Variants in RFX2 observed in about 807,000 individuals in gnomAD.
The protein encoded by RFX2 is regulatory factor X2, also known as DNA-binding protein RFX2.
RFX2 carries 20 observed loss-of-function variants against 87.8 expected under a neutral mutation model. The observed-to-expected ratio is 0.23, with a 90% CI of 0.16 to 0.33. The LOEUF (loss-of-function observed/expected upper bound fraction) is 0.33. Ranked by LOEUF, RFX2 falls within the 10% of genes least tolerant of loss-of-function variation. RFX2 has a pLI of 1.00. For synonymous variants in RFX2, 397 were observed against 431.3 expected (o/e 0.92, Z 0.98); for missense variants, 767 against 1,012.3 (o/e 0.76, Z 3.29).
chr19:6,052,790 C>A (rs181591895), intron 1 of RFX2, among the ~76,000 whole-genome samples: 53 of 152,122 alleles, frequency 3.5e-4, no homozygotes, highest in Admixed American at 1.6e-3. Flanking sequence ...TCAAAATAAT[C>A]CATGGGTCAA....
chr19:6,029,582 G>A (rs548234636), intron 5 of RFX2, among the ~76,000 whole-genome samples: 84 of 152,206 alleles, frequency 5.5e-4, no homozygotes, highest in African/African-American at 1.3e-3. Context: ...GGTGGTGGGC[G>A]TCTGTAATTC....
rs541904921 is a variant in RFX2, at chr19:6,024,882, G to A, written c.597+1281C>T. On this transcript the variant is annotated intron_variant, in intron 6 of 17. Coordinates refer to ENST00000303657, the MANE Select transcript of RFX2 (RefSeq NM_000635.4). This position sits in a 1 kb window ranked among gnomAD's most constrained non-coding sequence, Gnocchi z 5.0. ...TCACGGTGAGGACGGGAGTGAGGAC[G>A]GGATCACGGTGAGGACGGGAGTCAG... Among the ~76,000 whole-genome samples the A allele has an allele frequency of 8.4e-5, 12 of 142,944 alleles. No individual in the cohort carries two copies. Among genetic ancestry groups the A allele is most frequent in the East Asian group, 4.3e-4 (2 of 4,662 alleles). The allele number at this position is 142,944 out of a possible 152,430, so 93.8% of individuals were successfully genotyped here.
chr19:6,065,363 A>G (rs1312011834), intron 1 of RFX2, among the ~76,000 whole-genome samples: 1 of 152,156 alleles, frequency 6.6e-6, no homozygotes, highest in Non-Finnish European at 1.5e-5. Flanking sequence ...TTAAGAAAAA[A>G]AGGCCGGGCA....
At position 6,012,826 on chromosome 19, in the gene RFX2, C is replaced by T. The variant is rs1028139083; in HGVS notation, c.899+160G>A. ...GTTGCATCCCAGCCTCCTGTGTCTC[C>T]TGCTAGACTCACCTCAGTCTCAGCA... On this transcript the variant is annotated intron_variant, in intron 8 of 17. Coordinates refer to ENST00000303657, the MANE Select transcript of RFX2 (RefSeq NM_000635.4). This position sits in a 1 kb window ranked among gnomAD's most constrained non-coding sequence, Gnocchi z 4.6. Among the ~76,000 whole-genome samples the T allele has an allele frequency of 5.3e-5, 8 of 152,194 alleles. No individual in the cohort carries two copies. Among genetic ancestry groups the T allele is most frequent in the African/African-American group, 1.7e-4 (7 of 41,442 alleles).
At position 5,998,779 on chromosome 19, in the gene RFX2, A is replaced by G. The variant is rs1050071260; in HGVS notation, c.1860-1566T>C. On this transcript the variant is annotated intron_variant, in intron 15 of 17. Coordinates refer to ENST00000303657, the MANE Select transcript of RFX2 (RefSeq NM_000635.4). This position sits in a 1 kb window ranked among gnomAD's most constrained non-coding sequence, Gnocchi z 4.2. ...TCACCCCGGTATCTCTGGGTTCCCA[A>G]ATGGGCTCGCAGCTCCCAGAGAGTA... is the stretch of plus-strand genomic sequence containing the variant. Among the ~76,000 whole-genome samples the G allele has an allele frequency of 1.3e-5, 2 of 152,166 alleles. No homozygotes were observed. Among genetic ancestry groups the G allele is most frequent in the Non-Finnish European group, 2.9e-5 (2 of 68,012 alleles).
At position 6,097,758 on chromosome 19, in the gene RFX2, T is replaced by C. The variant is rs924124473; in HGVS notation, c.-9+12635A>G. ...CCACCAGGCCCAGCTAATTAATTTTTTGTGTGTGGAGACAGAGTCTTGTTA... is the reference window on the plus strand; with the variant it reads ...CCACCAGGCCCAGCTAATTAATTTTCTGTGTGTGGAGACAGAGTCTTGTTA... On this transcript the variant is annotated intron_variant, in intron 1 of 17. Transcript: ENST00000303657. 2.6e-5 allele frequency among the ~76,000 whole-genome samples: 4 copies of C among 152,174 alleles called. No individual in the cohort carries two copies. The East Asian group carries it at 5.8e-4, about 22-fold the overall frequency.
intron 1 of RFX2, among the ~76,000 whole-genome samples, chr19:6,093,845 G>A (rs953034061): frequency 1.3e-5 from 2 of 152,124 alleles, no homozygotes; most frequent in African/African-American, 4.8e-5. Context: ...GTCACAAAAG[G>A]CTACTTACTA....
chr19:6,089,959 ATTGT>A (rs1031350124), intron 1 of RFX2, among the ~76,000 whole-genome samples: 24 of 152,026 alleles, frequency 1.6e-4, no homozygotes, highest in East Asian at 3.9e-4. Flanking sequence ...ACATCTTTGG[ATTGT>A]TTGTTTGTTT....
intron 1 of RFX2, among the ~76,000 whole-genome samples, chr19:6,059,829 A>G (rs1110624): frequency 0.064 from 9,705 of 152,204 alleles, 780 homozygotes; most frequent in African/African-American, 0.19. Flanking sequence ...CACCTGACGC[A>G]GGATAATATG....
intron 1 of RFX2, among the ~76,000 whole-genome samples, chr19:6,097,404 A>G (rs1014415579): frequency 6.6e-6 from 1 of 152,160 alleles, no homozygotes; most frequent in African/African-American, 2.4e-5. Flanking sequence ...GTTTAGCGGC[A>G]GGAAAGATTC....
At chr19:6,054,998 CTATATA>C (rs1036790832) in intron 1 of RFX2, among the ~76,000 whole-genome samples, 2 of 152,066 alleles carry the variant, frequency 1.3e-5, no homozygotes, top group African/African-American at 4.8e-5. Flanking sequence ...ACATCTATAT[CTATATA>C]TATAAACTCC....
At chr19:6,043,587 G>T (rs1339760395) in intron 3 of RFX2, among the ~76,000 whole-genome samples, 4 of 152,222 alleles carry the variant, frequency 2.6e-5, no homozygotes, top group Non-Finnish European at 5.9e-5. Context: ...CACCCATTTG[G>T]TTGCATATCA....
chr19:6,041,485 A>G (rs1385005516), intron 4 of RFX2, among the ~76,000 whole-genome samples: 7 of 152,228 alleles, frequency 4.6e-5, no homozygotes, highest in Admixed American at 3.9e-4. Flanking sequence ...AACATGGAAA[A>G]TCAAGTTCTA....
Position 6,039,901 on chromosome 19 carries a change from T to G in RFX2, c.522+79A>C. 1 of 1,442,892 alleles carries G rather than the reference T, an allele frequency of 6.9e-7. No homozygotes were observed. Among genetic ancestry groups the G allele is most frequent in the Non-Finnish European group, 9.2e-7 (1 of 1,082,814 alleles). The allele number at this position is 1,442,892 out of a possible 1,614,324, so 89.4% of individuals were successfully genotyped here. A position where few individuals can be genotyped will look rare whatever the true frequency, so the allele number is the denominator to read the frequency against. On this transcript the variant is annotated intron_variant, in intron 5 of 17. Coordinates refer to ENST00000303657, the MANE Select transcript of RFX2 (RefSeq NM_000635.4). The surrounding 1 kb of genome is among the most constrained non-coding windows in gnomAD (Gnocchi z 5.2). ...CAGCCCCTCCGGGCCTCCGGCTGCC[T>G]CTTACTCACCATCCCTGCTGCCGCT...
At chr19:6,091,025 G>A (rs1391782125) in intron 1 of RFX2, among the ~76,000 whole-genome samples, 1 of 152,248 alleles carries the variant, frequency 6.6e-6, no homozygotes. Context: ...ACAAGAAGCA[G>A]ACTTGGTGTT....
At position 6,012,874 on chromosome 19, in the gene RFX2, C is replaced by T; in HGVS notation, c.899+112G>A. On this transcript the variant is annotated intron_variant, in intron 8 of 17. Transcript: ENST00000303657. This position sits in a 1 kb window ranked among gnomAD's most constrained non-coding sequence, Gnocchi z 4.6. ...GCAGAGGGGGATACCTTGGCTTTCC[C>T]AGGATGCTGGAGACTGGGGAGTTAT... 8.6e-7 allele frequency: 1 copy of T among 1,163,452 alleles called. No individual in the cohort carries two copies. Among genetic ancestry groups the T allele is most frequent in the Non-Finnish European group, 1.1e-6 (1 of 888,640 alleles). The allele number at this position is 1,163,452 out of a possible 1,614,324, so 72.1% of individuals were successfully genotyped here.
At chr19:6,049,076 A>C (rs986324293) in intron 1 of RFX2, 1 of 152,204 alleles carries the variant, frequency 6.6e-6, no homozygotes, top group African/African-American at 2.4e-5. Context: ...AAAGATTGTA[A>C]ATTTCCCATA....
At position 6,022,331 on chromosome 19, in the gene RFX2, G is replaced by A. The variant is rs1052879918; in HGVS notation, c.597+3832C>T. On this transcript the variant is annotated intron_variant, in intron 6 of 17. Coordinates refer to ENST00000303657, the MANE Select transcript of RFX2 (RefSeq NM_000635.4). This position sits in a 1 kb window ranked among gnomAD's most constrained non-coding sequence, Gnocchi z 6.2. Reference sequence around the variant, plus strand: ...TGCCAGGCTACACAGGTCACCAGCTGAAGGCTAAATGACCTTTGACAATGT... The same window carrying A: ...TGCCAGGCTACACAGGTCACCAGCTAAAGGCTAAATGACCTTTGACAATGT... Among the ~76,000 whole-genome samples, 42 of 152,244 alleles carry A rather than the reference G, an allele frequency of 2.8e-4. No individual in the cohort carries two copies. Among genetic ancestry groups the A allele is most frequent in the African/African-American group, 1.0e-3 (42 of 41,460 alleles).
At chr19:6,103,430 C>T (rs76012882) in intron 1 of RFX2, among the ~76,000 whole-genome samples, 4,117 of 152,266 alleles carry the variant, frequency 0.027, 142 homozygotes, top group African/African-American at 0.079. Flanking sequence ...AAGGCCAGGC[C>T]GTCTGCTCCT....
Sources: allele counts gnomAD v4.1 joint callset (sites outside exome capture counted in the v4.1 genomes callset), GRCh38; gene constraint gnomAD v4.1.1; non-coding constraint Gnocchi (gnomAD v3.1); transcripts MANE v1.5; gene names NCBI Gene and HGNC (gene_info 2026-07-23, HGNC 2026-07-21).